The following LRRC58 variants were observed in gnomAD, a reference collection of about 807,000 sequenced individuals.
LRRC58 encodes the protein leucine-rich repeat-containing protein 58.
A neutral mutation model predicts 30.6 loss-of-function variants in LRRC58; 18 were observed. The ratio of observed to expected loss-of-function variants is 0.59; its 90% CI spans 0.41 to 0.87. The LOEUF (loss-of-function observed/expected upper bound fraction) is 0.87, where lower values mean the gene tolerates loss of function less well. Among genes scored for constraint, LRRC58 ranks in the 40% least tolerant of loss-of-function variants. The probability of loss-of-function intolerance (pLI) is 0.00; values close to 1 mark genes in which losing one functional copy is unlikely to be tolerated. For missense variants in LRRC58, 420 were observed against 468.4 expected, an observed-to-expected ratio of 0.90 and a Z score of 0.95; for synonymous variants, 221 against 206.0, an observed-to-expected ratio of 1.07 and a Z score of -0.62.
At chr3:120,340,234 CTT>C (rs1180394670) in intron 1 of LRRC58, among the ~76,000 whole-genome samples, 1 of 152,172 alleles carries the variant, frequency 6.6e-6, no homozygotes, top group African/African-American at 2.4e-5. Context: ...TTCTTTATCT[CTT>C]TGAGCTGAAT....
Position 120,327,746 on chromosome 3 carries a change from TGTTTTTTG to T in LRRC58, c.*3446_*3453del, listed in dbSNP as rs1378990023. 2 of 143,544 alleles carry T rather than the reference TGTTTTTTG, an allele frequency of 1.4e-5. No individual in the cohort carries two copies. Among genetic ancestry groups the T allele is most frequent in the South Asian group, 2.2e-4 (1 of 4,586 alleles). The allele number at this position is 143,544 out of a possible 1,614,324, so 8.9% of individuals were successfully genotyped here. ...AATTTACAATGCAAATTTTTTTGTT[TGTTTTTTG>T]TTTGTTTGTTTGAGACACAGTCTCA... On this transcript the variant is annotated 3_prime_UTR_variant, in exon 4 of 4. Coordinates refer to ENST00000295628, the MANE Select transcript of LRRC58 (RefSeq NM_001099678.2).
Position 120,328,564 on chromosome 3 carries a change from T to C in LRRC58, c.*2636A>G, listed in dbSNP as rs1935713123. On this transcript the variant is annotated 3_prime_UTR_variant, in exon 4 of 4. Transcript: ENST00000295628. ...AAAACCCCAATTAAAGTTCATTTAC[T>C]GTAATTAACAAACAAATATATGACT... is the stretch of plus-strand genomic sequence containing the variant. 1.3e-5 allele frequency: 2 copies of C among 152,244 alleles called. No homozygotes were observed. Among genetic ancestry groups the C allele is most frequent in the African/African-American group, 4.8e-5 (2 of 41,468 alleles). The allele number at this position is 152,244 out of a possible 1,614,324, so 9.4% of individuals were successfully genotyped here.
chr3:120,343,230 C>T (rs1236228556), intron 1 of LRRC58, among the ~76,000 whole-genome samples: 1 of 152,188 alleles, frequency 6.6e-6, no homozygotes, highest in African/African-American at 2.4e-5. Context: ...ATTAAATTTA[C>T]AGTTTCAGGC....
chr3:120,347,537 G>A (rs1280094549), intron 1 of LRRC58, among the ~76,000 whole-genome samples: 2 of 149,292 alleles, frequency 1.3e-5, no homozygotes, highest in South Asian at 2.2e-4. Flanking sequence ...GACTACAGGC[G>A]CCCGCCACCG....
rs1413670498 is a variant in LRRC58, at chr3:120,331,347, G to A, written c.969C>T (p.Arg323=). 3.7e-6 allele frequency: 6 copies of A among 1,613,838 alleles called. No individual in the cohort carries two copies. The East Asian group carries it at 1.3e-4, about 36-fold the overall frequency. The part of the protein sequence containing the change: ...IKFVDFCGKY[R]LPLMHYLCSP... ...AACACAAGTAGTGCATCAGTGGGAGGCGATACTTCCCACAGAAGTCCACAA... is the reference window on the plus strand; with the variant it reads ...AACACAAGTAGTGCATCAGTGGGAGACGATACTTCCCACAGAAGTCCACAA... The change falls in exon 4 of 4, where the codon CGC becomes CGT. Residue 323 remains arginine (R), a synonymous_variant. Transcript: ENST00000295628.
At chr3:120,338,749 A>C (rs6438576) in intron 1 of LRRC58, among the ~76,000 whole-genome samples, 1 of 152,280 alleles carries the variant, frequency 6.6e-6, no homozygotes, top group African/African-American at 2.4e-5. Context: ...GGTAGCCTGG[A>C]AAGGCCACAT....
Position 120,335,740 on chromosome 3 carries a change from A to G in LRRC58, c.629+85T>C, listed in dbSNP as rs1935826697. 9.0e-6 allele frequency: 10 copies of G among 1,108,642 alleles called. No homozygotes were observed. In the Admixed American group the frequency reaches 2.4e-4, roughly 26 times the overall value. The allele number at this position is 1,108,642 out of a possible 1,614,324, so 68.7% of individuals were successfully genotyped here. On this transcript the variant is annotated intron_variant, in intron 2 of 3. Coordinates refer to ENST00000295628, the MANE Select transcript of LRRC58 (RefSeq NM_001099678.2). ...CTTTGAGAATATCTAATTCTTTTCT[A>G]CATATAAAAACATGTGAGTGAATAC...
intron 1 of LRRC58, 40 bp downstream of exon 1, chr3:120,348,704 C>T: frequency 1.3e-6 from 2 of 1,496,210 alleles, no homozygotes. Context: ...TCCCGGACAC[C>T]GCCCGAGGCC....
Position 120,334,885 on chromosome 3 carries a change from T to C in LRRC58, c.884A>G (p.Asn295Ser). 1.9e-6 allele frequency: 3 copies of C among 1,613,728 alleles called. No individual in the cohort carries two copies. Among genetic ancestry groups the C allele is most frequent in the South Asian group, 2.2e-5 (2 of 90,988 alleles). The part of the protein sequence containing the change: ...NLLRYLGSAS[N>S]CPNPKCGGVY... The stretch of plus-strand genomic sequence containing the variant: ...ACCTCCACACTTTGGGTTTGGGCAA[T>C]TGCTGGCTGAACCCAAGTATCTAAG... The change falls in exon 3 of 4, where the codon AAT becomes AGT. Residue 295 changes from asparagine (N) to serine (S), a missense_variant. Coordinates refer to ENST00000295628, the MANE Select transcript of LRRC58 (RefSeq NM_001099678.2).
In LRRC58 at chr3:120,348,767, C is replaced by T. The variant is rs749436148; in HGVS notation, c.477G>A (p.Pro159=). 3.1e-6 allele frequency: 5 copies of T among 1,598,840 alleles called. No homozygotes were observed. In the Admixed American group the frequency reaches 5.1e-5, roughly 16 times the overall value. ...ACCTCTGCAAGTTCTCGATCTCAGC[C>T]GGGATGCTCTGCAGTTGGTTGCCGC... is the stretch of plus-strand genomic sequence containing the variant. ...SLGGNQLQSI[P]AEIENLQSLE... Residue 159 remains proline (P), a synonymous_variant, in exon 1 of 4, where the codon CCG becomes CCA. Coordinates refer to ENST00000295628, the MANE Select transcript of LRRC58 (RefSeq NM_001099678.2).
Position 120,349,232 on chromosome 3 carries a change from G to A in LRRC58, c.12C>T (p.Ala4=), listed in dbSNP as rs778734410. Residue 4 remains alanine, a synonymous_variant, in exon 1 of 4, where the codon GCC becomes GCT. Coordinates refer to ENST00000295628, the MANE Select transcript of LRRC58 (RefSeq NM_001099678.2). ...CCCCGGCCGTGACCACCGCTGCTCC[G>A]GCCTCCTCCATCCTGGCCACCGCAC... is the stretch of plus-strand genomic sequence containing the variant. MEE[A]GAAVVTAGEA... The A allele has an allele frequency of 2.8e-5, 39 of 1,403,774 alleles. No homozygotes were observed. Among genetic ancestry groups the A allele is most frequent in the African/African-American group, 7.6e-5 (5 of 66,158 alleles). The allele number at this position is 1,403,774 out of a possible 1,614,324, so 87.0% of individuals were successfully genotyped here.
chr3:120,342,880 G>A (rs902526320), intron 1 of LRRC58, among the ~76,000 whole-genome samples: 1 of 152,176 alleles, frequency 6.6e-6, no homozygotes, highest in African/African-American at 2.4e-5. Flanking sequence ...CCAGGACCCT[G>A]ATCTTGGAAT....
intron 1 of LRRC58, among the ~76,000 whole-genome samples, chr3:120,344,152 G>A (rs755262813): frequency 2.6e-5 from 4 of 152,110 alleles, no homozygotes; most frequent in Non-Finnish European, 5.9e-5. Context: ...TGGAATTAAA[G>A]TAAGATAGGA....
chr3:120,348,654 G>A (rs1316149415), intron 1 of LRRC58, 90 bp downstream of exon 1: 9 of 1,376,662 alleles, frequency 6.5e-6, no homozygotes, highest in South Asian at 6.2e-5. Flanking sequence ...AAATAGTTAC[G>A]TGACAAACGT....
chr3:120,340,185 CTATCCTCTATGTCTTAATATTTCT>C (rs972134955), intron 1 of LRRC58, among the ~76,000 whole-genome samples: 1 of 152,294 alleles, frequency 6.6e-6, no homozygotes, highest in African/African-American at 2.4e-5. Context: ...ACTTCAGGAT[CTATCCTCTATGTCTTAATATTTCT>C]TTCATACTTT....
At position 120,328,570 on chromosome 3, in the gene LRRC58, TAAC is replaced by T. The variant is rs1202805879; in HGVS notation, c.*2627_*2629del. 6.6e-6 allele frequency: 1 copy of T among 152,202 alleles called. No individual in the cohort carries two copies. Among genetic ancestry groups the T allele is most frequent in the African/African-American group, 2.4e-5 (1 of 41,454 alleles). The allele number at this position is 152,202 out of a possible 1,614,324, so 9.4% of individuals were successfully genotyped here. A position where few individuals can be genotyped will look rare whatever the true frequency, so the allele number is the denominator to read the frequency against. On this transcript the variant is annotated 3_prime_UTR_variant, in exon 4 of 4. Coordinates refer to ENST00000295628, the MANE Select transcript of LRRC58 (RefSeq NM_001099678.2). ...CCAATTAAAGTTCATTTACTGTAAT[TAAC>T]AAACAAATATATGACTTAAGAACTA...
intron 1 of LRRC58, among the ~76,000 whole-genome samples, chr3:120,346,287 A>G (rs898564762): frequency 6.6e-6 from 1 of 152,050 alleles, no homozygotes; most frequent in African/African-American, 2.4e-5. Flanking sequence ...ACAAAAAACA[A>G]AAACAAGCAA....
chr3:120,347,581 C>T (rs1559996611), intron 1 of LRRC58, among the ~76,000 whole-genome samples: 3 of 150,426 alleles, frequency 2.0e-5, no homozygotes, highest in African/African-American at 7.3e-5. Context: ...TTAGTAGAGA[C>T]GGGGTTTCAC....
In LRRC58 at chr3:120,349,109, C is replaced by T; in HGVS notation, c.135G>A (p.Ala45=). 4 of 1,510,458 alleles carry T rather than the reference C, an allele frequency of 2.6e-6. No individual in the cohort carries two copies. The South Asian group carries it at 3.7e-5, about 14-fold the overall frequency. 93.6% of individuals were successfully genotyped at this position (1,510,458 alleles called of 1,614,324 possible). A position where few individuals can be genotyped will look rare whatever the true frequency, so the allele number is the denominator to read the frequency against. Reference sequence around the variant, plus strand: ...TGTGAGGCAGCAGCAGCCGCAGCAGCGCCTCCCGCGCCCCGCGCCGCTCCT... The same window carrying T: ...TGTGAGGCAGCAGCAGCCGCAGCAGTGCCTCCCGCGCCCCGCGCCGCTCCT... The part of the protein sequence containing the change: ...RGEERRGARE[A]LLRLLLPHNR... Residue 45 remains alanine, a synonymous_variant, in exon 1 of 4, where the codon GCG becomes GCA. Transcript: ENST00000295628.
Sources: allele counts gnomAD v4.1 joint callset (sites outside exome capture counted in the v4.1 genomes callset), GRCh38; gene constraint gnomAD v4.1.1; transcripts MANE v1.5; gene names NCBI Gene and HGNC (gene_info 2026-07-23, HGNC 2026-07-21).